CSMD1: variants seen among roughly 807,000 people sequenced by gnomAD.
CSMD1 encodes the protein CUB and sushi domain-containing protein 1.
A neutral mutation model predicts 417.5 loss-of-function variants in CSMD1; 213 were observed. That is an observed-to-expected ratio of 0.51 (90% CI 0.46 to 0.57). The LOEUF (loss-of-function observed/expected upper bound fraction) is 0.57. Among genes scored for constraint, CSMD1 ranks in the 20% least tolerant of loss-of-function variants. CSMD1 has a pLI of 0.00. For missense variants in CSMD1, 6,923 were observed against 4,529.7 expected, an observed-to-expected ratio of 1.53 and a Z score of -15.17; for synonymous variants, 2,862 against 1,736.8, an observed-to-expected ratio of 1.65 and a Z score of -16.11.
intron 3 of CSMD1, among the ~76,000 whole-genome samples, chr8:4,374,612 C>T (rs984024301): frequency 1.3e-5 from 2 of 152,100 alleles, no homozygotes; most frequent in Non-Finnish European, 2.9e-5. Context: ...AGAAATGGTC[C>T]TGAAAGCCAG....
intron 8 of CSMD1, among the ~76,000 whole-genome samples, chr8:3,604,163 G>T (rs1801492353): frequency 6.6e-6 from 1 of 152,172 alleles, no homozygotes; most frequent in African/African-American, 2.4e-5. Flanking sequence ...TCTCTACGGG[G>T]CTCAGAATCT....
intron 10 of CSMD1, among the ~76,000 whole-genome samples, chr8:3,524,405 A>G (rs1329560975): frequency 1.3e-5 from 2 of 151,864 alleles, no homozygotes; most frequent in Non-Finnish European, 2.9e-5. Context: ...GCACACCCAG[A>G]CATATGCACA....
intron 8 of CSMD1, among the ~76,000 whole-genome samples, chr8:3,609,483 T>A (rs1801783143): frequency 6.6e-6 from 1 of 152,192 alleles, no homozygotes; most frequent in Non-Finnish European, 1.5e-5. Context: ...TCTTCGGGTA[T>A]TTTATACATA....
intron 13 of CSMD1, 60 bp from the exon 14 acceptor site, chr8:3,408,285 G>C: frequency 1.5e-6 from 2 of 1,330,654 alleles, no homozygotes; most frequent in Non-Finnish European, 2.1e-6. Flanking sequence ...ATTGCCATGT[G>C]AAACAGACAG....
intron 5 of CSMD1, among the ~76,000 whole-genome samples, chr8:3,960,579 T>G (rs1275925328): frequency 6.6e-6 from 1 of 152,072 alleles, no homozygotes; most frequent in African/African-American, 2.4e-5. Flanking sequence ...TAATTACTGA[T>G]AAAGCAAAAA....
chr8:4,824,989 G>A (rs1025510423), intron 1 of CSMD1, among the ~76,000 whole-genome samples: 40 of 152,152 alleles, frequency 2.6e-4, no homozygotes, highest in South Asian at 4.1e-4. Context: ...GAAAGTGAGC[G>A]AACCTGAATG....
chr8:4,302,912 C>CA (rs1423277495), intron 3 of CSMD1, among the ~76,000 whole-genome samples: 12 of 151,938 alleles, frequency 7.9e-5, no homozygotes, highest in African/African-American at 2.9e-4. Flanking sequence ...ACTCAAAAGA[C>CA]AGATTTTTTT....
chr8:4,240,085 C>G (rs1802300214), intron 3 of CSMD1, among the ~76,000 whole-genome samples: 1 of 152,156 alleles, frequency 6.6e-6, no homozygotes. Context: ...TTAAATAAAG[C>G]TTCTTAAATA....
intron 3 of CSMD1, among the ~76,000 whole-genome samples, chr8:4,046,903 G>T (rs981234352): frequency 2.0e-5 from 3 of 152,044 alleles, no homozygotes; most frequent in African/African-American, 4.8e-5. Context: ...ATCTAAAAAT[G>T]GGCAGAGAGA....
chr8:3,249,805 CTTTG>C (rs1800138964), intron 26 of CSMD1, among the ~76,000 whole-genome samples: 1 of 151,910 alleles, frequency 6.6e-6, no homozygotes, highest in African/African-American at 2.4e-5. Context: ...TTAGGGAAAA[CTTTG>C]TTTGCAATTT....
intron 26 of CSMD1, among the ~76,000 whole-genome samples, chr8:3,231,061 A>G (rs1036313783): frequency 1.3e-5 from 2 of 152,106 alleles, no homozygotes; most frequent in African/African-American, 4.8e-5. Flanking sequence ...CCTGCGCCTA[A>G]TCACAGAAGG....
rs1440072636 is a variant in CSMD1 at position 3,166,254 on chromosome 8, G to C, written c.5726-3977C>G. ...TTATCACATCATGTCTGTTAGGCTG[G>C]GCATGGTGACTCATGCCTGTAATCC... On this transcript the variant is annotated intron_variant, in intron 37 of 69. Transcript: ENST00000635120. Among the ~76,000 whole-genome samples the C allele has an allele frequency of 3.9e-5, 6 of 151,990 alleles. No individual in the cohort carries two copies. In the East Asian group the frequency reaches 7.7e-4, roughly 20 times the overall value.
In CSMD1 at chr8:4,081,910, G is replaced by T. The variant is rs117818038; in HGVS notation, c.416-49811C>A. Among the ~76,000 whole-genome samples, 27 of 152,152 alleles carry T rather than the reference G, an allele frequency of 1.8e-4. No homozygotes were observed. In the East Asian group the frequency reaches 5.2e-3, roughly 29 times the overall value. On this transcript the variant is annotated intron_variant, in intron 3 of 69. Coordinates refer to ENST00000635120, the MANE Select transcript of CSMD1 (RefSeq NM_033225.6). Reference sequence around the variant, plus strand: ...ATTTAGTTACAGTAGTGCTCATGGGGGAGTGTGTAGCTTAAATACTTATAT... The same window carrying T: ...ATTTAGTTACAGTAGTGCTCATGGGTGAGTGTGTAGCTTAAATACTTATAT...
At chr8:3,793,959 T>G (rs1799894043) in intron 5 of CSMD1, among the ~76,000 whole-genome samples, 1 of 152,204 alleles carries the variant, frequency 6.6e-6, no homozygotes, top group Non-Finnish European at 1.5e-5. Flanking sequence ...AATGCTGCTA[T>G]GTGTAATAAA....
intron 7 of CSMD1, among the ~76,000 whole-genome samples, chr8:3,633,309 C>T (rs1383305019): frequency 1.3e-5 from 2 of 152,144 alleles, no homozygotes; most frequent in African/African-American, 2.4e-5. Context: ...AGAAGTGCAT[C>T]GTGTCATACA....
Position 4,167,495 on chromosome 8 carries a change from A to G in CSMD1, c.416-135396T>C, listed in dbSNP as rs185248482. 1.1e-3 allele frequency among the ~76,000 whole-genome samples: 162 copies of G among 152,292 alleles called. 1 individual carries two copies. Among genetic ancestry groups the G allele is most frequent in the African/African-American group, 3.5e-3 (146 of 41,572 alleles). On this transcript the variant is annotated intron_variant, in intron 3 of 69. Coordinates refer to ENST00000635120, the MANE Select transcript of CSMD1 (RefSeq NM_033225.6). ...AGACTACATTAGAAAAATTAAACCT[A>G]TAACATTTTCTAAAATGTATGTAGC...
intron 3 of CSMD1, among the ~76,000 whole-genome samples, chr8:4,332,381 C>T (rs934547289): frequency 1.3e-5 from 2 of 152,064 alleles, no homozygotes; most frequent in African/African-American, 2.4e-5. Flanking sequence ...TTAACGATTC[C>T]TACCATGCGG....
At chr8:3,289,034 T>G (rs1803359910) in intron 25 of CSMD1, among the ~76,000 whole-genome samples, 1 of 146,884 alleles carries the variant, frequency 6.8e-6, no homozygotes, top group African/African-American at 2.7e-5. Flanking sequence ...TGTCCGTGTG[T>G]TCTCATTGTT....
At chr8:4,325,651 C>A (rs997273625) in intron 3 of CSMD1, among the ~76,000 whole-genome samples, 1 of 152,074 alleles carries the variant, frequency 6.6e-6, no homozygotes, top group Non-Finnish European at 1.5e-5. Context: ...CCAAATTACA[C>A]AACAACCATC....
Sources: gnomAD v4.1 joint callset for allele counts (sites outside exome capture counted in the v4.1 genomes callset) on GRCh38, gnomAD v4.1.1 for gene constraint, MANE v1.5 for transcripts, NCBI Gene and HGNC (gene_info 2026-07-23, HGNC 2026-07-21) for gene names.